Variants in GRB10 observed in about 807,000 individuals in gnomAD.
The protein encoded by GRB10 is growth factor receptor-bound protein 10.
In GRB10, 20 loss-of-function variants were observed where a neutral mutation model predicts 80.9. That is an observed-to-expected ratio of 0.25 (90% CI 0.17 to 0.36). GRB10 has a LOEUF of 0.36. GRB10 is among the 10% of genes least tolerant of loss of function. GRB10 has a pLI of 1.00. For missense variants in GRB10, 548 were observed against 747.7 expected (o/e 0.73, Z 3.12); for synonymous variants, 291 against 291.5 (o/e 1.00, Z 0.02).
intron 4 of GRB10, among the ~76,000 whole-genome samples, chr7:50,728,601 C>A (rs1274720078): frequency 3.9e-5 from 6 of 152,164 alleles, no homozygotes; most frequent in African/African-American, 1.4e-4. Flanking sequence ...TCAAACACTA[C>A]CCAACTCTGC....
At position 50,645,505 on chromosome 7, in the gene GRB10, A is replaced by G. The variant is rs1047240825; in HGVS notation, c.505-18527T>C. On this transcript the variant is annotated intron_variant, in intron 7 of 18. Coordinates refer to ENST00000401949, the MANE Select transcript of GRB10 (RefSeq NM_001350814.2). ...TGCCATTTGGGCACTAACTCCTTTAAAACCAAGCAAACAAAAAGGATCTGC... is the reference window on the plus strand; with the variant it reads ...TGCCATTTGGGCACTAACTCCTTTAGAACCAAGCAAACAAAAAGGATCTGC... 7.1e-6 allele frequency: 5 copies of G among 706,784 alleles called. No individual in the cohort carries two copies. In the African/African-American group the frequency reaches 9.6e-5, roughly 14 times the overall value. The allele number at this position is 706,784 out of a possible 1,614,324, so 43.8% of individuals were successfully genotyped here.
At chr7:50,594,119 C>A (rs1373150150) in intron 18 of GRB10, among the ~76,000 whole-genome samples, 1 of 152,180 alleles carries the variant, frequency 6.6e-6, no homozygotes, top group Admixed American at 6.5e-5. Context: ...GCAGCACTTT[C>A]CCTAGGACAG....
intron 8 of GRB10, among the ~76,000 whole-genome samples, chr7:50,623,876 C>T (rs114851103): frequency 4.2e-4 from 64 of 152,054 alleles, no homozygotes; most frequent in African/African-American, 1.5e-3. Context: ...GTTGAACAAT[C>T]CAAAATCCCA....
At chr7:50,686,915 T>C (rs2062163064) in intron 5 of GRB10, among the ~76,000 whole-genome samples, 1 of 152,202 alleles carries the variant, frequency 6.6e-6, no homozygotes, top group Admixed American at 6.5e-5. Flanking sequence ...CCTCACTAAA[T>C]GTAAGTTTTA....
At chr7:50,708,929 C>T (rs947594621) in intron 4 of GRB10, among the ~76,000 whole-genome samples, 14 of 152,124 alleles carry the variant, frequency 9.2e-5, no homozygotes, top group Non-Finnish European at 1.8e-4. Context: ...CTGCCTTGGC[C>T]TCCCAAAGTG....
At chr7:50,601,660 GATC>G (rs886471951) in intron 17 of GRB10, among the ~76,000 whole-genome samples, 5 of 151,300 alleles carry the variant, frequency 3.3e-5, no homozygotes, top group Admixed American at 6.6e-5. Flanking sequence ...CATTAACAGA[GATC>G]ATCAGAGGAA....
In GRB10 at chr7:50,722,085, T is replaced by C. The variant is rs147399695; in HGVS notation, c.51+10187A>G. Among the ~76,000 whole-genome samples, 177 of 152,184 alleles carry C rather than the reference T, an allele frequency of 1.2e-3. 1 individual carries two copies. The highest frequency in any genetic ancestry group is 4.1e-3 in the African/African-American group (169 of 41,526). Reference sequence around the variant, plus strand: ...GGTCACTATGCTACCTCCTATGCCCTCCTCTCCTGTCTCTCCTGCACCCCA... The same window carrying C: ...GGTCACTATGCTACCTCCTATGCCCCCCTCTCCTGTCTCTCCTGCACCCCA... On this transcript the variant is annotated intron_variant, in intron 4 of 18. Coordinates refer to ENST00000401949, the MANE Select transcript of GRB10 (RefSeq NM_001350814.2).
chr7:50,659,323 C>T (rs943994749), intron 7 of GRB10, among the ~76,000 whole-genome samples: 2 of 152,124 alleles, frequency 1.3e-5, no homozygotes, highest in East Asian at 1.9e-4. Flanking sequence ...AGGTAAAAAA[C>T]GTGAAGAGAT....
intron 7 of GRB10, among the ~76,000 whole-genome samples, chr7:50,633,688 T>C (rs1403012998): frequency 8.2e-6 from 1 of 122,220 alleles, no homozygotes; most frequent in Admixed American, 9.3e-5. Context: ...AAAGATGAGA[T>C]AGATATATTA....
At chr7:50,705,868 A>C (rs1364861451) in intron 4 of GRB10, among the ~76,000 whole-genome samples, 3 of 152,230 alleles carry the variant, frequency 2.0e-5, no homozygotes, top group Non-Finnish European at 2.9e-5. Flanking sequence ...GGAAAGGGCA[A>C]GGTCCCCAAG....
chr7:50,704,760 TCCAACATGCGAGGTGCTGGCGACAG>T (rs903773630), intron 4 of GRB10, among the ~76,000 whole-genome samples: 4 of 152,300 alleles, frequency 2.6e-5, no homozygotes, highest in East Asian at 1.9e-4. Flanking sequence ...ACGTGAAACA[TCCAACATGCGAGGTGCTGGCGACAG>T]CCAACATGCA....
At chr7:50,757,284 C>T (rs1207897447) in intron 2 of GRB10, among the ~76,000 whole-genome samples, 3 of 152,196 alleles carry the variant, frequency 2.0e-5, no homozygotes, top group South Asian at 2.1e-4. Flanking sequence ...ATCTCTCTCA[C>T]GGAGCTTTTA....
At position 50,680,765 on chromosome 7, in the gene GRB10, T is replaced by C. The variant is rs371448788; in HGVS notation, c.140-6107A>G. 1.1e-4 allele frequency among the ~76,000 whole-genome samples: 16 copies of C among 152,328 alleles called. No homozygotes were observed. In the East Asian group the frequency reaches 1.2e-3, roughly 11 times the overall value. On this transcript the variant is annotated intron_variant, in intron 5 of 18. Transcript: ENST00000401949. ...ACACTCACTTGTTCCTGATTACTATTTACAGGTGGTTTCTTAATTATTTTT... is the reference window on the plus strand; with the variant it reads ...ACACTCACTTGTTCCTGATTACTATCTACAGGTGGTTTCTTAATTATTTTT...
At chr7:50,702,746 C>T (rs1404616480) in intron 5 of GRB10, among the ~76,000 whole-genome samples, 1 of 152,174 alleles carries the variant, frequency 6.6e-6, no homozygotes, top group Non-Finnish European at 1.5e-5. Flanking sequence ...GCAAATGTCC[C>T]TTAATTGAAC....
At chr7:50,642,406 T>C (rs2056421104) in intron 7 of GRB10, among the ~76,000 whole-genome samples, 1 of 152,130 alleles carries the variant, frequency 6.6e-6, no homozygotes, top group Non-Finnish European at 1.5e-5. Flanking sequence ...CGTACACATA[T>C]ACATGCAAAC....
At position 50,735,274 on chromosome 7, in the gene GRB10, A is replaced by C. The variant is rs187442094; in HGVS notation, c.-46-2906T>G. ...AAAGAGGTGAACTACTTGTACACTG[A>C]AAACTAAAACATTGCTAAAAGAATA... On this transcript the variant is annotated intron_variant, in intron 3 of 18. Transcript: ENST00000401949. Among the ~76,000 whole-genome samples, 290 of 152,386 alleles carry C rather than the reference A, an allele frequency of 1.9e-3. 1 individual carries two copies. The highest frequency in any genetic ancestry group is 6.8e-3 in the African/African-American group (281 of 41,602).
chr7:50,768,185 A>G (rs139338477), intron 2 of GRB10, among the ~76,000 whole-genome samples: 1 of 152,300 alleles, frequency 6.6e-6, no homozygotes, highest in East Asian at 1.9e-4. Context: ...ACCTGGCGAC[A>G]AACTGTGCAA....
At chr7:50,748,534 G>C (rs2073435762) in intron 3 of GRB10, among the ~76,000 whole-genome samples, 2 of 152,230 alleles carry the variant, frequency 1.3e-5, no homozygotes, top group Non-Finnish European at 1.5e-5. Flanking sequence ...AGGGTACCAG[G>C]GATGGGGTCG....
At chr7:50,684,530 A>G (rs973459534) in intron 5 of GRB10, among the ~76,000 whole-genome samples, 6 of 152,152 alleles carry the variant, frequency 3.9e-5, no homozygotes, top group African/African-American at 1.4e-4. Flanking sequence ...GGGCATTACT[A>G]AGATCCCGTC....
Sources: gnomAD v4.1 joint callset for allele counts (sites outside exome capture counted in the v4.1 genomes callset) on GRCh38, gnomAD v4.1.1 for gene constraint, MANE v1.5 for transcripts, NCBI Gene and HGNC (gene_info 2026-07-23, HGNC 2026-07-21) for gene names.